HSPA12A: variants seen among roughly 807,000 people sequenced by gnomAD.
The protein encoded by HSPA12A is heat shock 70 kDa protein 12A.
A neutral mutation model predicts 69.2 loss-of-function variants in HSPA12A; 28 were observed. The observed-to-expected ratio is 0.40, with a 90% CI of 0.30 to 0.55. HSPA12A has a LOEUF of 0.55. Among genes scored for constraint, HSPA12A ranks in the 20% least tolerant of loss-of-function variants. HSPA12A has a pLI of 0.38. For synonymous variants in HSPA12A, 345 were observed against 370.5 expected (o/e 0.93, Z 0.79); for missense variants, 686 against 900.7 (o/e 0.76, Z 3.05).
chr10:116,787,826 G>A (rs1844610797), intron 2 of HSPA12A, among the ~76,000 whole-genome samples: 1 of 152,198 alleles, frequency 6.6e-6, no homozygotes. Flanking sequence ...GAAGTGGAGT[G>A]CCTGGTCATG....
intron 1 of HSPA12A, among the ~76,000 whole-genome samples, chr10:116,716,588 G>A (rs117434445): frequency 0.042 from 6,425 of 152,320 alleles, 176 homozygotes; most frequent in Middle Eastern, 0.078. Context: ...GCAGTCATAC[G>A]TGGGCTGCAG....
intron 1 of HSPA12A, among the ~76,000 whole-genome samples, chr10:116,728,813 A>T (rs537501019): frequency 6.6e-6 from 1 of 152,236 alleles, no homozygotes; most frequent in Non-Finnish European, 1.5e-5. Flanking sequence ...TGTGGCATCA[A>T]ATCAAGCCTG....
chr10:116,692,549 G>A (rs1849766785), intron 5 of HSPA12A, 82 bp from the exon 6 acceptor site: 1 of 1,049,256 alleles, frequency 9.5e-7, no homozygotes, highest in Non-Finnish European at 1.5e-6. Context: ...CTGAACCCAG[G>A]CTTCCTGCCA....
intron 2 of HSPA12A, chr10:116,750,102 G>A (rs1272443262): frequency 1.9e-5 from 9 of 464,314 alleles, no homozygotes; most frequent in South Asian, 1.3e-4. Flanking sequence ...GCTTATGCCT[G>A]TATGGAAGGG....
chr10:116,841,673 C>G (rs1845802751), intron 1 of HSPA12A, among the ~76,000 whole-genome samples: 1 of 152,050 alleles, frequency 6.6e-6, no homozygotes, highest in Non-Finnish European at 1.5e-5. Flanking sequence ...TAAATCAATA[C>G]AGGTAAATTT....
chr10:116,757,217 C>T (rs1554888857), intron 2 of HSPA12A, among the ~76,000 whole-genome samples: 2 of 152,112 alleles, frequency 1.3e-5, no homozygotes, highest in South Asian at 4.1e-4. Flanking sequence ...GGAGGAGGCC[C>T]CTCAGGATTC....
intron 6 of HSPA12A, among the ~76,000 whole-genome samples, chr10:116,684,550 G>A (rs969387487): frequency 1.3e-5 from 2 of 151,954 alleles, no homozygotes; most frequent in Admixed American, 6.6e-5. Flanking sequence ...CGCTAGGAGG[G>A]TTCCTGAGAT....
intron 2 of HSPA12A, among the ~76,000 whole-genome samples, chr10:116,790,150 G>A (rs952117452): frequency 1.8e-4 from 25 of 135,212 alleles, no homozygotes; most frequent in Non-Finnish European, 3.7e-4. Flanking sequence ...CGCCCAGGCC[G>A]GACTGCAGTG....
At chr10:116,763,958 C>T (rs116477406) in intron 2 of HSPA12A, among the ~76,000 whole-genome samples, 6 of 152,070 alleles carry the variant, frequency 3.9e-5, no homozygotes, top group South Asian at 4.2e-4. Context: ...GGGGGGCGGT[C>T]GGCAATGAGC....
At chr10:116,775,992 G>C (rs1358814244) in intron 2 of HSPA12A, among the ~76,000 whole-genome samples, 2 of 152,300 alleles carry the variant, frequency 1.3e-5, no homozygotes, top group East Asian at 3.9e-4. Context: ...TGGTGAGTGA[G>C]GGGCTTTGGG....
chr10:116,782,774 G>C (rs1017437557), intron 2 of HSPA12A, among the ~76,000 whole-genome samples: 1 of 152,152 alleles, frequency 6.6e-6, no homozygotes, highest in African/African-American at 2.4e-5. Context: ...GATCACCAAG[G>C]CTTGTGCAAG....
intron 2 of HSPA12A, among the ~76,000 whole-genome samples, chr10:116,778,267 T>C (rs1251578275): frequency 6.6e-6 from 1 of 152,208 alleles, no homozygotes; most frequent in Non-Finnish European, 1.5e-5. Flanking sequence ...GTTTTTTCTT[T>C]CATGAATGCA....
intron 2 of HSPA12A, chr10:116,827,650 G>C (rs1276752685): frequency 6.6e-6 from 1 of 152,304 alleles, no homozygotes; most frequent in East Asian, 1.9e-4. Flanking sequence ...TCTGGGTGTT[G>C]TTTGCTCAAG....
intron 2 of HSPA12A, among the ~76,000 whole-genome samples, chr10:116,800,775 C>A (rs1424730004): frequency 6.6e-6 from 1 of 152,172 alleles, no homozygotes; most frequent in African/African-American, 2.4e-5. Flanking sequence ...CTATACTAAC[C>A]CCTTCTCCAT....
chr10:116,758,460 C>CA (rs1163646055), intron 2 of HSPA12A, among the ~76,000 whole-genome samples: 1 of 152,146 alleles, frequency 6.6e-6, no homozygotes, highest in African/African-American at 2.4e-5. Flanking sequence ...CAGGAGGTGG[C>CA]ATGGCTGGAA....
intron 1 of HSPA12A, among the ~76,000 whole-genome samples, chr10:116,837,518 A>G (rs1845735787): frequency 6.6e-6 from 1 of 152,226 alleles, no homozygotes. Context: ...GAACTGAGCT[A>G]TAAAAAAGAC....
Position 116,835,910 on chromosome 10 carries a change from C to T in HSPA12A, c.4-888G>A, listed in dbSNP as rs548252168. On this transcript the variant is annotated intron_variant, in intron 1 of 12. Coordinates refer to the HSPA12A transcript ENST00000635765. The stretch of plus-strand genomic sequence containing the variant: ...CCTGTGAGTAGTCACGAGAGAGGAG[C>T]GAAAGAAAACAATCTTAGTTTGGGG... Among the ~76,000 whole-genome samples, 21 of 151,834 alleles carry T rather than the reference C, an allele frequency of 1.4e-4. 1 individual carries two copies. The highest frequency in any genetic ancestry group is 1.3e-3 in the Admixed American group (20 of 15,244).
At chr10:116,788,701 C>G (rs1291580336) in intron 2 of HSPA12A, among the ~76,000 whole-genome samples, 1 of 151,912 alleles carries the variant, frequency 6.6e-6, no homozygotes, top group African/African-American at 2.4e-5. Flanking sequence ...GGTATCTGCA[C>G]AATAATACAT....
chr10:116,778,832 G>A (rs981478891), intron 2 of HSPA12A, among the ~76,000 whole-genome samples: 1 of 152,212 alleles, frequency 6.6e-6, no homozygotes, highest in Non-Finnish European at 1.5e-5. Context: ...CTACTCAGAA[G>A]GCTGAGGCAG....
Sources: allele counts gnomAD v4.1 joint callset (sites outside exome capture counted in the v4.1 genomes callset), GRCh38; gene constraint gnomAD v4.1.1; transcripts MANE v1.5; gene names NCBI Gene and HGNC (gene_info 2026-07-23, HGNC 2026-07-21).